The following TF variants were observed in gnomAD, a reference collection of about 807,000 sequenced individuals.
TF encodes the protein transferrin.
Under a neutral mutation model 82.4 loss-of-function variants are expected in TF, and 55 were observed. The ratio of observed to expected loss-of-function variants is 0.67; its 90% CI spans 0.54 to 0.84. The LOEUF (loss-of-function observed/expected upper bound fraction) is 0.84. Among genes scored for constraint, TF ranks in the 40% least tolerant of loss-of-function variants. TF has a pLI of 0.00. For synonymous variants in TF, 332 were observed against 332.6 expected, an observed-to-expected ratio of 1.00 and a Z score of 0.02; for missense variants, 737 against 868.4, an observed-to-expected ratio of 0.85 and a Z score of 1.90.
chr3:133,776,992 G>A, intron 15 of TF, 57 bp from the exon 16 acceptor site: 3 of 1,494,564 alleles, frequency 2.0e-6, no homozygotes, highest in Non-Finnish European at 2.8e-6. Flanking sequence ...TCTCATCCAT[G>A]TGTTCCCAGC....
chr3:133,765,662 T>C (rs1311190956), intron 11 of TF, among the ~76,000 whole-genome samples: 1 of 152,220 alleles, frequency 6.6e-6, no homozygotes, highest in African/African-American at 2.4e-5. Context: ...ATTCTATGGA[T>C]AATAAAGATT....
At chr3:133,761,467 C>T (rs1044912145) in intron 9 of TF, 1 of 151,840 alleles carries the variant, frequency 6.6e-6, no homozygotes, top group Non-Finnish European at 1.5e-5. Context: ...TGAGTCCAGC[C>T]TGGGAAACAT....
chr3:133,729,812 C>G, the TF span, among the ~76,000 whole-genome samples: 1 of 152,132 alleles, frequency 6.6e-6, no homozygotes, highest in Non-Finnish European at 1.5e-5. Context: ...CTCCTCCCCC[C>G]CGTTTGGTTC....
At chr3:133,711,324 C>G in the TF span, among the ~76,000 whole-genome samples, 1 of 152,156 alleles carries the variant, frequency 6.6e-6, no homozygotes, top group Admixed American at 6.5e-5. Context: ...TCTCTCAACA[C>G]AGATCCCCAA....
intron 9 of TF, among the ~76,000 whole-genome samples, chr3:133,759,741 A>G (rs916913014): frequency 5.9e-5 from 9 of 152,212 alleles, no homozygotes; most frequent in African/African-American, 2.2e-4. Flanking sequence ...CTGTAGTCCC[A>G]GCTACTTCGA....
intron 2 of TF, 94 bp downstream of exon 2, chr3:133,748,678 C>CT (rs750384316): frequency 1.4e-6 from 2 of 1,470,480 alleles, no homozygotes; most frequent in Non-Finnish European, 1.9e-6. Context: ...AGGTAGGAGG[C>CT]TGATATATGG....
upstream of TF, chr3:133,746,320 G>C (rs1245016185): frequency 4.3e-6 from 5 of 1,173,404 alleles, no homozygotes; most frequent in African/African-American, 3.0e-5. Flanking sequence ...GCACAAACAC[G>C]GGAGGTCAAA....
chr3:133,770,635 T>C (rs1451846017), intron 14 of TF, 63 bp downstream of exon 14: 3 of 1,517,674 alleles, frequency 2.0e-6, no homozygotes, highest in Non-Finnish European at 2.7e-6. Context: ...TATTCACTTG[T>C]ATTCAGGGAT....
At chr3:133,765,435 G>A (rs1000085376) in intron 11 of TF, among the ~76,000 whole-genome samples, 2 of 152,196 alleles carry the variant, frequency 1.3e-5, no homozygotes, top group Admixed American at 1.3e-4. Context: ...AGGGCTCTGG[G>A]TAAGGGTACA....
At chr3:133,767,881 C>G in intron 12 of TF, 148 bp from the exon 13 acceptor site, 2 of 945,656 alleles carry the variant, frequency 2.1e-6, no homozygotes, top group South Asian at 2.8e-5. Flanking sequence ...AAGCCTATAG[C>G]CTGGCAAGTC....
In TF at chr3:133,782,652, G is replaced by A. The variant is rs1011537014; in HGVS notation, c.*4032G>A. On this transcript the variant is annotated 3_prime_UTR_variant, in exon 17 of 17. Coordinates refer to ENST00000402696, the MANE Select transcript of TF (RefSeq NM_001063.4). ...GAGGGTGGAGAGATGTAGGTCAGAG[G>A]ATACAAAGCAGCAGATAGGAGGGCT... The A allele has an allele frequency of 2.6e-5, 4 of 152,018 alleles. No homozygotes were observed. Among genetic ancestry groups the A allele is most frequent in the African/African-American group, 9.7e-5 (4 of 41,364 alleles). The allele number at this position is 152,018 out of a possible 1,614,324, so 9.4% of individuals were successfully genotyped here. A position where few individuals can be genotyped will look rare whatever the true frequency, so the allele number is the denominator to read the frequency against.
At chr3:133,698,208 TTCAA>T in the TF span, among the ~76,000 whole-genome samples, 1 of 152,258 alleles carries the variant, frequency 6.6e-6, no homozygotes, top group Non-Finnish European at 1.5e-5. Context: ...GTACTTTCAC[TTCAA>T]TCAATCTGCA....
chr3:133,721,149 G>C, the TF span, among the ~76,000 whole-genome samples: 3 of 151,906 alleles, frequency 2.0e-5, no homozygotes, highest in Admixed American at 6.6e-5. Context: ...GGTTTAGTTT[G>C]TTCTTGTTTT....
the TF span, among the ~76,000 whole-genome samples, chr3:133,671,200 A>C: frequency 6.6e-6 from 1 of 152,210 alleles, no homozygotes; most frequent in African/African-American, 2.4e-5. Context: ...ACTGGGCTTA[A>C]ATCAAGATGT....
chr3:133,771,750 A>AAAAAAAAAAAAAAAAAAC, intron 14 of TF, among the ~76,000 whole-genome samples: 1 of 148,858 alleles, frequency 6.7e-6, no homozygotes, highest in Non-Finnish European at 1.5e-5. Flanking sequence ...TCTCAAAAAA[A>AAAAAAAAAAAAAAAAAAC]AAAAAAAAAA....
At chr3:133,713,958 G>C in the TF span, among the ~76,000 whole-genome samples, 12 of 152,184 alleles carry the variant, frequency 7.9e-5, no homozygotes, top group Non-Finnish European at 1.3e-4. Flanking sequence ...ATAAAGGGCA[G>C]GATACTTTCC....
the TF span, among the ~76,000 whole-genome samples, chr3:133,696,275 G>A: frequency 6.6e-6 from 1 of 151,724 alleles, no homozygotes. Flanking sequence ...CAGCCTGGGC[G>A]ACAGAGCAAG....
At chr3:133,715,717 A>C in the TF span, among the ~76,000 whole-genome samples, 1 of 152,278 alleles carries the variant, frequency 6.6e-6, no homozygotes, top group South Asian at 2.1e-4. Flanking sequence ...AACTGCCAAC[A>C]TGGAGTTGGT....
At chr3:133,663,060 C>T in the TF span, among the ~76,000 whole-genome samples, 1 of 152,154 alleles carries the variant, frequency 6.6e-6, no homozygotes, top group Non-Finnish European at 1.5e-5. Flanking sequence ...ACCCTCTACC[C>T]TCAATATCTG....
Sources: allele counts gnomAD v4.1 joint callset (sites outside exome capture counted in the v4.1 genomes callset), GRCh38; gene constraint gnomAD v4.1.1; transcripts MANE v1.5; gene names NCBI Gene and HGNC (gene_info 2026-07-23, HGNC 2026-07-21).